LAMA4: variants seen among roughly 807,000 people sequenced by gnomAD.
The protein encoded by LAMA4 is laminin subunit alpha-4.
LAMA4 carries 127 observed loss-of-function variants against 207.1 expected under a neutral mutation model. The ratio of observed to expected loss-of-function variants is 0.61; its 90% CI spans 0.53 to 0.71. The LOEUF (loss-of-function observed/expected upper bound fraction) is 0.71, where lower values mean the gene tolerates loss of function less well. Among genes scored for constraint, LAMA4 ranks in the 30% least tolerant of loss-of-function variants. LAMA4 has a pLI of 0.00. For synonymous variants in LAMA4, 761 were observed against 816.0 expected, an observed-to-expected ratio of 0.93 and a Z score of 1.15; for missense variants, 2,093 against 2,246.5, an observed-to-expected ratio of 0.93 and a Z score of 1.38.
In LAMA4 at chr6:112,211,372, T is replaced by C. The variant is rs1784347720; in HGVS notation, c.298-4227A>G. Among the ~76,000 whole-genome samples the C allele has an allele frequency of 3.3e-5, 5 of 152,324 alleles. 1 individual carries two copies. In the South Asian group the frequency reaches 1.0e-3, roughly 32 times the overall value. ...GAAGTGACCCAAGTATCTCATAAAT[T>C]ACAAAATTAAAGATTTTTGCATTTA... On this transcript the variant is annotated intron_variant, in intron 3 of 38. Coordinates refer to ENST00000230538, the MANE Select transcript of LAMA4 (RefSeq NM_001105206.3).
At chr6:112,242,566 G>A (rs1432272597) in intron 2 of LAMA4, among the ~76,000 whole-genome samples, 2 of 152,090 alleles carry the variant, frequency 1.3e-5, no homozygotes, top group African/African-American at 4.8e-5. Context: ...CTGATTCTGG[G>A]GTGGAACCTG....
Position 112,132,818 on chromosome 6 carries a change from A to G in LAMA4, c.3769T>C (p.Phe1257Leu). 3 of 1,612,556 alleles carry G rather than the reference A, an allele frequency of 1.9e-6. No individual in the cohort carries two copies. The highest frequency in any genetic ancestry group is 1.1e-5 in the South Asian group (1 of 91,054). Residue 1257 changes from phenylalanine (F) to leucine (L), a missense_variant, in exon 28 of 39, where the codon TTT becomes CTT. Phe to Leu is a conservative substitution (Grantham distance 22, BLOSUM62 0). This residue lies in a region of LAMA4 where 1,704 missense variants were observed against 1,788.4 expected (regional missense o/e 0.95). Transcript: ENST00000230538. ...SIQKISFFDG[F>L]EGGFNFRTLQ... ...GTTCGGAAATTAAAACCTCCTTCAA[A>G]GCCATCAAAGAAAGATATTTTCTGA...
chr6:112,254,460 G>C lies in LAMA4; in HGVS notation c.-143C>G. On this transcript the variant is annotated splice_region_variant and 5_prime_UTR_variant, in exon 1 of 39. The change creates a premature stop within an existing upstream ORF in the 5' untranslated region. Coordinates refer to ENST00000230538, the MANE Select transcript of LAMA4 (RefSeq NM_001105206.3). ...AACCTACAGATGGACGGAGCTTACAGTACGGCATCAAAAGGCAGACGGATT... is the reference window on the plus strand; with the variant it reads ...AACCTACAGATGGACGGAGCTTACACTACGGCATCAAAAGGCAGACGGATT... 2.2e-6 allele frequency: 1 copy of C among 446,128 alleles called. No homozygotes were observed. The highest frequency in any genetic ancestry group is 2.1e-5 in the South Asian group (1 of 46,940). 27.6% of individuals were successfully genotyped at this position (446,128 alleles called of 1,614,324 possible).
chr6:112,194,071 G>A (rs1189973659), intron 5 of LAMA4, among the ~76,000 whole-genome samples: 5 of 152,306 alleles, frequency 3.3e-5, no homozygotes, highest in South Asian at 4.1e-4. Flanking sequence ...GTTGTTATTC[G>A]CACTTTCTCA....
Position 112,184,545 on chromosome 6 carries a change from T to C in LAMA4, c.1077+692A>G, listed in dbSNP as rs1782571272. ...TTGTATTTTTCTCAATATTTTTCTCTGTCTAGTTGTCTTTTTTGTTTATTT... is the reference window on the plus strand; with the variant it reads ...TTGTATTTTTCTCAATATTTTTCTCCGTCTAGTTGTCTTTTTTGTTTATTT... On this transcript the variant is annotated intron_variant, in intron 9 of 38. Coordinates refer to ENST00000230538, the MANE Select transcript of LAMA4 (RefSeq NM_001105206.3). Among the ~76,000 whole-genome samples, 11 of 152,212 alleles carry C rather than the reference T, an allele frequency of 7.2e-5. No homozygotes were observed. In the South Asian group the frequency reaches 2.3e-3, roughly 31 times the overall value.
chr6:112,233,291 T>C (rs571636657), intron 2 of LAMA4, among the ~76,000 whole-genome samples: 46 of 152,350 alleles, frequency 3.0e-4, no homozygotes, highest in South Asian at 1.7e-3. Context: ...TCATTTTGTC[T>C]CTGCTTCATG....
intron 8 of LAMA4, among the ~76,000 whole-genome samples, chr6:112,186,491 G>A (rs1377542413): frequency 6.6e-6 from 1 of 152,178 alleles, no homozygotes; most frequent in African/African-American, 2.4e-5. Context: ...TAGTGGGAAA[G>A]AAAACTTGTA....
Position 112,117,685 on chromosome 6 carries a change from C to G in LAMA4, c.4981+54G>C, listed in dbSNP as rs1554324401. 3.9e-6 allele frequency: 6 copies of G among 1,539,254 alleles called. No individual in the cohort carries two copies. In the African/African-American group the frequency reaches 8.2e-5, roughly 21 times the overall value. On this transcript the variant is annotated intron_variant, in intron 35 of 38. Coordinates refer to ENST00000230538, the MANE Select transcript of LAMA4 (RefSeq NM_001105206.3). The surrounding 1 kb of genome is among the most constrained non-coding windows in gnomAD (Gnocchi z 4.5). ...TCTGGGCCTGATATTCCCTGTTAGC[C>G]ATCTCCAGGAAGAAGCATTTCATGA...
intron 16 of LAMA4, 29 bp downstream of exon 16, chr6:112,154,822 A>C (rs1300029442): frequency 3.7e-6 from 5 of 1,347,876 alleles, no homozygotes; most frequent in Non-Finnish European, 4.3e-6. Flanking sequence ...TATAAATTAG[A>C]AAGGAGATAG....
intron 28 of LAMA4, 76 bp downstream of exon 28, chr6:112,132,677 C>G: frequency 7.4e-7 from 1 of 1,359,130 alleles, no homozygotes. Context: ...TCACTTCTAA[C>G]ATGCATTACA....
intron 5 of LAMA4, among the ~76,000 whole-genome samples, chr6:112,199,653 T>C (rs1554351548): frequency 6.6e-6 from 1 of 152,018 alleles, no homozygotes; most frequent in South Asian, 2.1e-4. Context: ...AATAAATAAA[T>C]TCAAAAAAAT....
Position 112,165,267 on chromosome 6 carries a change from C to T in LAMA4, c.1561G>A (p.Glu521Lys), listed in dbSNP as rs781950243. The stretch of plus-strand genomic sequence containing the variant: ...ACTTCCATTTGTTCCCTCACTCTTT[C>T]CTGTTGTTTCTGCGGGAAGGAAGAG... Reference protein sequence around the residue: ...ARQRDHEKQQERVREQMEVVN... With the variant: ...ARQRDHEKQQKRVREQMEVVN... The change falls in exon 13 of 39, where the codon GAA becomes AAA. Residue 521 changes from glutamate (E) to lysine (K), a missense_variant. Glu to Lys is a moderately conservative substitution (Grantham distance 56). This residue lies in a region of LAMA4 where 1,704 missense variants were observed against 1,788.4 expected (regional missense o/e 0.95). Coordinates refer to ENST00000230538, the MANE Select transcript of LAMA4 (RefSeq NM_001105206.3). 5 of 1,609,386 alleles carry T rather than the reference C, an allele frequency of 3.1e-6. No individual in the cohort carries two copies. The African/African-American group carries it at 5.3e-5, about 17-fold the overall frequency.
At chr6:112,151,578 T>C (rs1780407444) in intron 16 of LAMA4, among the ~76,000 whole-genome samples, 1 of 152,138 alleles carries the variant, frequency 6.6e-6, no homozygotes, top group South Asian at 2.1e-4. Flanking sequence ...TCTTTATGCG[T>C]AGCAACCTTA....
intron 18 of LAMA4, among the ~76,000 whole-genome samples, chr6:112,145,736 A>C (rs559899112): frequency 1.3e-5 from 2 of 152,266 alleles, no homozygotes; most frequent in South Asian, 4.1e-4. Flanking sequence ...CCCAAAGCAC[A>C]GTTTGTTTCT....
In LAMA4 at chr6:112,148,256, T is replaced by G; in HGVS notation, c.2254A>C (p.Thr752Pro). The change falls in exon 18 of 39, where the codon ACT becomes CCT. Residue 752 changes from threonine to proline, a missense_variant. Thr to Pro is a conservative substitution (Grantham distance 38, BLOSUM62 -1). Around this residue, in one of 3 missense-constraint regions of LAMA4, gnomAD observed 1,704 missense variants for 1,788.4 expected, o/e 0.95. Coordinates refer to ENST00000230538, the MANE Select transcript of LAMA4 (RefSeq NM_001105206.3). ...NRTTMEVQQA[T>P]APMANNLTNW... ...GTTAGATTGTTGGCCATGGGGGCAG[T>G]GGCCTGCTGCACCTCCATCGTCGTC... The G allele has an allele frequency of 1.2e-6, 2 of 1,614,206 alleles. No homozygotes were observed. The highest frequency in any genetic ancestry group is 4.5e-5 in the East Asian group (2 of 44,878).
Position 112,253,936 on chromosome 6 carries a change from C to CA in LAMA4, c.195+19dup. 6.2e-7 allele frequency: 1 copy of CA among 1,607,712 alleles called. No homozygotes were observed. The highest frequency in any genetic ancestry group is 8.5e-7 in the Non-Finnish European group (1 of 1,176,536). On this transcript the variant is annotated intron_variant, in intron 2 of 38. Transcript: ENST00000230538. Reference sequence around the variant, plus strand: ...GGGCGCAGGTGCCCCAGCAGGGTGGCAATGGCAGGGACACTGTACCTCGGC... The same window carrying CA: ...GGGCGCAGGTGCCCCAGCAGGGTGGCAAATGGCAGGGACACTGTACCTCGGC...
rs1562624056 is a variant in LAMA4, at chr6:112,115,919, C to T, written c.5056G>A (p.Val1686Ile). ...VRPRSSSGTLVHGHSVNGEYL... is the reference protein window; with the variant it reads ...VRPRSSSGTLIHGHSVNGEYL... ...TCCCCATTGACACTGTGGCCGTGGA[C>T]CAGGGTTCCGGAACTGCTTCTGGGA... Residue 1686 changes from valine to isoleucine, a missense_variant, in exon 36 of 39, where the codon GTC becomes ATC. Transcript: ENST00000230538. 6.2e-7 allele frequency: 1 copy of T among 1,613,448 alleles called. No individual in the cohort carries two copies. The highest frequency in any genetic ancestry group is 1.7e-4 in the Middle Eastern group (1 of 6,056).
chr6:112,241,068 A>G (rs975613895), intron 2 of LAMA4, among the ~76,000 whole-genome samples: 10 of 145,176 alleles, frequency 6.9e-5, no homozygotes, highest in African/African-American at 2.3e-4. Flanking sequence ...CTATTGAAAA[A>G]CCAATGCTCA....
At chr6:112,150,719 G>A in intron 16 of LAMA4, 92 bp from the exon 17 acceptor site, 1 of 834,258 alleles carries the variant, frequency 1.2e-6, no homozygotes, top group Non-Finnish European at 2.1e-6. Context: ...TTTGTACGAT[G>A]CAGTCATCTG....
Sources: gnomAD v4.1 joint callset for allele counts (sites outside exome capture counted in the v4.1 genomes callset) on GRCh38, gnomAD v4.1.1 for gene constraint, gnomAD v4.1.1 regional missense constraint, Gnocchi (gnomAD v3.1) non-coding constraint, MANE v1.5 for transcripts, NCBI Gene and HGNC (gene_info 2026-07-23, HGNC 2026-07-21) for gene names.